MLXIP: variants seen among roughly 807,000 people sequenced by gnomAD.
The protein encoded by MLXIP is MLX-interacting protein.
In MLXIP, 30 loss-of-function variants were observed where a neutral mutation model predicts 87.2. The observed-to-expected ratio is 0.34, with a 90% CI of 0.26 to 0.47. The LOEUF (loss-of-function observed/expected upper bound fraction) is 0.47. Among genes scored for constraint, MLXIP ranks in the 20% least tolerant of loss-of-function variants. The pLI is 1.00. For synonymous variants in MLXIP, 530 were observed against 514.0 expected (o/e 1.03, Z -0.42); for missense variants, 1,002 against 1,240.1 (o/e 0.81, Z 2.88).
intron 1 of MLXIP, among the ~76,000 whole-genome samples, chr12:122,108,740 C>T (rs1270854916): frequency 6.6e-6 from 1 of 152,142 alleles, no homozygotes; most frequent in East Asian, 1.9e-4. Context: ...AGCAGTACAT[C>T]AGGGACTTCG....
intron 1 of MLXIP, among the ~76,000 whole-genome samples, chr12:122,112,101 G>A (rs1952613664): frequency 6.6e-6 from 1 of 152,220 alleles, no homozygotes; most frequent in Admixed American, 6.5e-5. Flanking sequence ...GCACAGAGTT[G>A]TGGTGATTAA....
At chr12:122,101,527 G>A (rs1371134371) in intron 1 of MLXIP, among the ~76,000 whole-genome samples, 1 of 144,552 alleles carries the variant, frequency 6.9e-6, no homozygotes, top group Non-Finnish European at 1.5e-5. Flanking sequence ...TTTTTCTCCT[G>A]TATTCTCTTC....
rs189557401 is a variant in MLXIP at position 122,137,377 on chromosome 12, A to G, written c.2033-92A>G. 93 of 1,418,910 alleles carry G rather than the reference A, an allele frequency of 6.6e-5. No individual in the cohort carries two copies. Among genetic ancestry groups the G allele is most frequent in the Non-Finnish European group, 8.6e-5 (91 of 1,060,390 alleles). 87.9% of individuals were successfully genotyped at this position (1,418,910 alleles called of 1,614,324 possible). A position where few individuals can be genotyped will look rare whatever the true frequency, so the allele number is the denominator to read the frequency against. On this transcript the variant is annotated intron_variant, in intron 11 of 16. Coordinates refer to ENST00000319080, the MANE Select transcript of MLXIP (RefSeq NM_014938.6). The surrounding 1 kb of genome is among the most constrained non-coding windows in gnomAD (Gnocchi z 4.1). Reference sequence around the variant, plus strand: ...CAAGTGCAATACGTGGCTAGCAGCGAGCACCTCATAACCCTGCAGAGACCC... The same window carrying G: ...CAAGTGCAATACGTGGCTAGCAGCGGGCACCTCATAACCCTGCAGAGACCC...
chr12:122,107,493 A>C (rs909535103), intron 1 of MLXIP, among the ~76,000 whole-genome samples: 2 of 152,206 alleles, frequency 1.3e-5, no homozygotes, highest in African/African-American at 4.8e-5. Flanking sequence ...ACAGTGAGTC[A>C]GACAGCCCTG....
chr12:122,129,368 T>C, intron 4 of MLXIP, 142 bp downstream of exon 4: 1 of 929,836 alleles, frequency 1.1e-6, no homozygotes, highest in Non-Finnish European at 1.7e-6. Flanking sequence ...GGGCCCAGCG[T>C]GCCAGACTAG....
At chr12:122,121,268 A>G (rs1183944577) in intron 1 of MLXIP, among the ~76,000 whole-genome samples, 2 of 148,810 alleles carry the variant, frequency 1.3e-5, no homozygotes, top group Non-Finnish European at 3.0e-5. Context: ...TCGGCCTCCC[A>G]AAGTGCTGGA....
At chr12:122,129,310 G>C (rs1274692756) in intron 4 of MLXIP, 84 bp downstream of exon 4, 2 of 1,245,450 alleles carry the variant, frequency 1.6e-6, no homozygotes, top group Admixed American at 2.0e-5. Flanking sequence ...GAGGCGGTAG[G>C]CTCCACAGCC....
chr12:122,084,729 G>C (rs1952141192), intron 1 of MLXIP, among the ~76,000 whole-genome samples: 1 of 151,992 alleles, frequency 6.6e-6, no homozygotes, highest in African/African-American at 2.4e-5. Context: ...TGTATCTTTA[G>C]TAGAGACAGG....
Position 122,130,849 on chromosome 12 carries a change from C to G in MLXIP, c.916C>G (p.Leu306Val). ...AWPNPREIAHLGNADMIQPGL... is the reference protein window; with the variant it reads ...AWPNPREIAHVGNADMIQPGL... Reference sequence around the variant, plus strand: ...TCTCTCTGTGATTCTTGCAGCACATCTGGGAAATGCAGACATGATCCAGCC... The same window carrying G: ...TCTCTCTGTGATTCTTGCAGCACATGTGGGAAATGCAGACATGATCCAGCC... The change falls in exon 7 of 17, where the codon CTG becomes GTG. Residue 306 changes from leucine to valine, a missense_variant. Transcript: ENST00000319080. The G allele has an allele frequency of 6.2e-7, 1 of 1,612,094 alleles. No homozygotes were observed. Among genetic ancestry groups the G allele is most frequent in the Non-Finnish European group, 8.5e-7 (1 of 1,178,266 alleles).
intron 1 of MLXIP, among the ~76,000 whole-genome samples, chr12:122,097,133 G>A (rs1249997317): frequency 6.6e-6 from 1 of 152,210 alleles, no homozygotes; most frequent in Non-Finnish European, 1.5e-5. Context: ...CTCGGCAGAG[G>A]AGCTTTTGGC....
chr12:122,084,583 G>A (rs1462780245), intron 1 of MLXIP, among the ~76,000 whole-genome samples: 1 of 152,042 alleles, frequency 6.6e-6, no homozygotes, highest in African/African-American at 2.4e-5. Context: ...TTTCGCTCTT[G>A]TCACCCAGGC....
chr12:122,137,595 C>A lies in MLXIP; in HGVS notation c.2154+5C>A, dbSNP rs779187572. The A allele has an allele frequency of 5.6e-6, 9 of 1,613,324 alleles. No homozygotes were observed. The highest frequency in any genetic ancestry group is 5.9e-6 in the Non-Finnish European group (7 of 1,179,610). ...AAAAATGTGGCTGCACTAAAGGTAC[C>A]GCATGTCTCCTCTTGGTTCCCTTGG... On this transcript the variant is annotated splice_donor_5th_base_variant and intron_variant, in intron 12 of 16. Coordinates refer to ENST00000319080, the MANE Select transcript of MLXIP (RefSeq NM_014938.6). This position sits in a 1 kb window ranked among gnomAD's most constrained non-coding sequence, Gnocchi z 4.1.
Position 122,138,539 on chromosome 12 carries a change from A to G in MLXIP, c.2372A>G (p.Asn791Ser), listed in dbSNP as rs768652649. 13 of 1,612,086 alleles carry G rather than the reference A, an allele frequency of 8.1e-6. No individual in the cohort carries two copies. In the African/African-American group the frequency reaches 1.1e-4, roughly 13 times the overall value. The change falls in exon 14 of 17, where the codon AAT becomes AGT. Residue 791 changes from asparagine to serine, a missense_variant. By Grantham distance (46) the Asn-to-Ser change is conservative. Transcript: ENST00000319080. ...CTGCGGGAGGAGATCGAGGAGCTCA[A>G]TGCCACCATCATGTGAGCTTCTGGG... is the stretch of plus-strand genomic sequence containing the variant. ...RRLREEIEEL[N>S]ATIISCQQLL...
chr12:122,138,496 CAGG>C lies in MLXIP; in HGVS notation c.2336_2338del (p.Glu779del). The C allele has an allele frequency of 6.2e-7, 1 of 1,613,970 alleles. No individual in the cohort carries two copies. Among genetic ancestry groups the C allele is most frequent in the Non-Finnish European group, 8.5e-7 (1 of 1,179,898 alleles). ...GCTGCAGCAGGAGAGAGGCCAGATG[CAGG>C]AGGAGGCCCGGCGGCTGCGGGAGGA... is the stretch of plus-strand genomic sequence containing the variant. On this transcript the variant is annotated inframe_deletion, in exon 14 of 17. Transcript: ENST00000319080.
chr12:122,098,205 A>G (rs1316389567), intron 1 of MLXIP, among the ~76,000 whole-genome samples: 1 of 152,190 alleles, frequency 6.6e-6, no homozygotes, highest in East Asian at 1.9e-4. Flanking sequence ...GGATGAAGCG[A>G]GCAGGGCAGG....
intron 16 of MLXIP, among the ~76,000 whole-genome samples, chr12:122,141,293 C>G (rs1953198731): frequency 6.6e-6 from 1 of 152,198 alleles, no homozygotes. Context: ...TTGTTCAGAC[C>G]CAGCTTGCAT....
chr12:122,115,388 G>T (rs150679473), intron 1 of MLXIP, among the ~76,000 whole-genome samples: 2,924 of 151,716 alleles, frequency 0.019, 98 homozygotes, highest in African/African-American at 0.068. Context: ...GGGAGTTCAA[G>T]ACCACCCTGG....
At position 122,138,261 on chromosome 12, in the gene MLXIP, T is replaced by C; in HGVS notation, c.2222T>C (p.Met741Thr). 6.2e-7 allele frequency: 1 copy of C among 1,613,636 alleles called. No homozygotes were observed. The highest frequency in any genetic ancestry group is 8.5e-7 in the Non-Finnish European group (1 of 1,179,772). The change falls in exon 13 of 17, where the codon ATG becomes ACG. Residue 741 changes from methionine to threonine, a missense_variant. Physicochemically the swap from Met to Thr is moderately conservative, Grantham distance 81. Transcript: ENST00000319080. Reference sequence around the variant, plus strand: ...TTCAACATCAAGATGTGCTTCGACATGCTCAACAGCCTCATCTCCAACAAT... The same window carrying C: ...TTCAACATCAAGATGTGCTTCGACACGCTCAACAGCCTCATCTCCAACAAT... ...RRFNIKMCFD[M>T]LNSLISNNSK...
intron 1 of MLXIP, among the ~76,000 whole-genome samples, chr12:122,088,020 C>A (rs1435209484): frequency 6.6e-6 from 1 of 152,190 alleles, no homozygotes; most frequent in Non-Finnish European, 1.5e-5. Flanking sequence ...GCTGAGGACA[C>A]CACAGTGCAC....
Sources: gnomAD v4.1 joint callset for allele counts (sites outside exome capture counted in the v4.1 genomes callset) on GRCh38, gnomAD v4.1.1 for gene constraint, Gnocchi (gnomAD v3.1) non-coding constraint, MANE v1.5 for transcripts, NCBI Gene and HGNC (gene_info 2026-07-23, HGNC 2026-07-21) for gene names.